The following SYNPR variants were observed in gnomAD, a reference collection of about 807,000 sequenced individuals.
The protein encoded by SYNPR is synaptoporin.
SYNPR carries 23 observed loss-of-function variants against 32.9 expected under a neutral mutation model. That is an observed-to-expected ratio of 0.70 (90% confidence interval 0.50 to 0.99). SYNPR has a LOEUF of 0.99. SYNPR is among the 50% of genes least tolerant of loss of function. The pLI, the probability that SYNPR is intolerant of heterozygous loss-of-function variation, is 0.00. For missense variants in SYNPR, 318 were observed against 349.3 expected (o/e 0.91, Z 0.71); for synonymous variants, 146 against 135.9 (o/e 1.07, Z -0.52).
chr3:63,284,197 T>C (rs1434219042), intron 2 of SYNPR, among the ~76,000 whole-genome samples: 1 of 152,210 alleles, frequency 6.6e-6, no homozygotes, highest in Non-Finnish European at 1.5e-5. Context: ...ATGATGTTAG[T>C]AATTCTTTCT....
intron 2 of SYNPR, among the ~76,000 whole-genome samples, chr3:63,406,840 A>G (rs1267247893): frequency 6.6e-6 from 1 of 152,142 alleles, no homozygotes; most frequent in Admixed American, 6.5e-5. Flanking sequence ...CACAACAATG[A>G]GAAGTCATGA....
At chr3:63,207,187 G>A in the SYNPR span, among the ~76,000 whole-genome samples, 1 of 152,306 alleles carries the variant, frequency 6.6e-6, no homozygotes. Flanking sequence ...TGATGAATGA[G>A]GTGGGAAGGC....
intron 3 of SYNPR, among the ~76,000 whole-genome samples, chr3:63,536,071 G>T (rs1702200570): frequency 6.6e-6 from 1 of 151,868 alleles, no homozygotes; most frequent in Non-Finnish European, 1.5e-5. Context: ...TTCGAGACCA[G>T]CCTGCTCAAC....
At chr3:63,450,357 C>T (rs1378220083) in intron 2 of SYNPR, among the ~76,000 whole-genome samples, 1 of 152,132 alleles carries the variant, frequency 6.6e-6, no homozygotes, top group Non-Finnish European at 1.5e-5. Context: ...TGACTCTACA[C>T]CATTAAAACT....
At chr3:63,228,652 A>G (rs887370624) in intron 1 of SYNPR, among the ~76,000 whole-genome samples, 1 of 151,850 alleles carries the variant, frequency 6.6e-6, no homozygotes. Flanking sequence ...CCCCTTTTTC[A>G]TGGGTTAAAC....
At chr3:63,579,968 T>C (rs760690024) in intron 4 of SYNPR, among the ~76,000 whole-genome samples, 1 of 152,038 alleles carries the variant, frequency 6.6e-6, no homozygotes, top group Non-Finnish European at 1.5e-5. Flanking sequence ...AATTATGAAT[T>C]TTCATTTGAA....
intron 2 of SYNPR, among the ~76,000 whole-genome samples, chr3:63,380,997 C>T (rs964376025): frequency 1.1e-4 from 17 of 152,118 alleles, no homozygotes; most frequent in African/African-American, 2.4e-5. Flanking sequence ...TGGCACAAGA[C>T]AGGGATGCCC....
intron 2 of SYNPR, among the ~76,000 whole-genome samples, chr3:63,255,155 A>G (rs77108312): frequency 0.078 from 11,798 of 152,154 alleles, 1,327 homozygotes; most frequent in African/African-American, 0.25. Flanking sequence ...TCCAGACATT[A>G]CCAAAAATTC....
chr3:63,426,062 G>A (rs1028325294), intron 2 of SYNPR, among the ~76,000 whole-genome samples: 2 of 152,232 alleles, frequency 1.3e-5, no homozygotes, highest in East Asian at 3.9e-4. Context: ...TGGAATTACG[G>A]GCATGAGCCA....
chr3:63,595,923 A>ATATATATAGTTT (rs1559546630), intron 4 of SYNPR, among the ~76,000 whole-genome samples: 4 of 99,388 alleles, frequency 4.0e-5, no homozygotes, highest in Admixed American at 1.2e-4. Flanking sequence ...ATATAGTTTT[A>ATATATATAGTTT]TATATATATA....
chr3:63,473,447 C>T (rs1478189057), intron 2 of SYNPR, among the ~76,000 whole-genome samples: 1 of 152,090 alleles, frequency 6.6e-6, no homozygotes, highest in African/African-American at 2.4e-5. Flanking sequence ...TTAGGGAGCA[C>T]CAACTTCATG....
intron 1 of SYNPR, among the ~76,000 whole-genome samples, chr3:63,237,198 T>C (rs990538230): frequency 3.4e-4 from 51 of 152,140 alleles, no homozygotes; most frequent in African/African-American, 1.2e-3. Context: ...ACAGGGTATT[T>C]TGTTCTTGTC....
At position 63,404,085 on chromosome 3, in the gene SYNPR, TG is replaced by T. The variant is rs1232090450; in HGVS notation, c.85-76746del. Among the ~76,000 whole-genome samples the T allele has an allele frequency of 7.9e-5, 12 of 152,332 alleles. 1 individual carries two copies. Among genetic ancestry groups the T allele is most frequent in the African/African-American group, 2.9e-4 (12 of 41,580 alleles). ...GAGCCCAGGTGTTAGGATCCTGATTTGTTTTATGTTTTTAAGAGAAGGCAAC... is the reference window on the plus strand; with the variant it reads ...GAGCCCAGGTGTTAGGATCCTGATTTTTTTATGTTTTTAAGAGAAGGCAAC... On this transcript the variant is annotated intron_variant, in intron 2 of 5. Coordinates refer to ENST00000478300, the MANE Select transcript of SYNPR (RefSeq NM_001130003.2).
chr3:63,354,638 A>G (rs1400780712), intron 2 of SYNPR, among the ~76,000 whole-genome samples: 1 of 152,242 alleles, frequency 6.6e-6, no homozygotes, highest in Non-Finnish European at 1.5e-5. Context: ...TGCATGTAAC[A>G]GAGGGTTATT....
chr3:63,251,512 T>C (rs2086330729), intron 1 of SYNPR, among the ~76,000 whole-genome samples: 2 of 152,136 alleles, frequency 1.3e-5, no homozygotes, highest in South Asian at 2.1e-4. Flanking sequence ...TTTGGCAGTG[T>C]CCTGACATAA....
chr3:63,226,249 G>A (rs2086127430), upstream of SYNPR, among the ~76,000 whole-genome samples: 6 of 152,172 alleles, frequency 3.9e-5, no homozygotes, highest in Admixed American at 3.9e-4. Context: ...TACATTGTTA[G>A]TGGGAATGTA....
intron 1 of SYNPR, among the ~76,000 whole-genome samples, chr3:63,236,066 C>CT (rs537901577): frequency 0.016 from 1,410 of 86,272 alleles, 14 homozygotes; most frequent in East Asian, 0.11. Context: ...GCTGAGGTTT[C>CT]TTTTTTTTTT....
At chr3:63,339,608 G>C (rs1159942032) in intron 2 of SYNPR, among the ~76,000 whole-genome samples, 2 of 150,922 alleles carry the variant, frequency 1.3e-5, no homozygotes, top group African/African-American at 4.9e-5. Context: ...ATAGGTTCAT[G>C]TATTCACCAC....
At chr3:63,354,159 C>G (rs1316132938) in intron 2 of SYNPR, among the ~76,000 whole-genome samples, 4 of 152,184 alleles carry the variant, frequency 2.6e-5, no homozygotes, top group Non-Finnish European at 5.9e-5. Flanking sequence ...CAAAATGCTG[C>G]ATAACAAGCC....
Sources: allele counts gnomAD v4.1 joint callset (sites outside exome capture counted in the v4.1 genomes callset), GRCh38; gene constraint gnomAD v4.1.1; transcripts MANE v1.5; gene names NCBI Gene and HGNC (gene_info 2026-07-23, HGNC 2026-07-21).